DNAH9: variants seen among roughly 807,000 people sequenced by gnomAD.
DNAH9 encodes dynein axonemal heavy chain 9, also known as DNAH9 variant protein.
In DNAH9, 345 loss-of-function variants were observed where a neutral mutation model predicts 471.6. That is an observed-to-expected ratio of 0.73 (90% CI 0.67 to 0.80). DNAH9 has a LOEUF of 0.80. DNAH9 is among the 30% of genes least tolerant of loss of function. The probability of loss-of-function intolerance (pLI) is 0.00; values close to 1 mark genes in which losing one functional copy is unlikely to be tolerated. For missense variants in DNAH9, 5,407 were observed against 5,609.2 expected (o/e 0.96, Z 1.15); for synonymous variants, 2,093 against 2,123.6 (o/e 0.99, Z 0.40).
intron 29 of DNAH9, among the ~76,000 whole-genome samples, chr17:11,741,519 C>T (rs2075433070): frequency 6.7e-6 from 1 of 149,494 alleles, no homozygotes; most frequent in Non-Finnish European, 1.5e-5. Flanking sequence ...GTACAGGATA[C>T]ACCCTAGGTG....
intron 61 of DNAH9, among the ~76,000 whole-genome samples, chr17:11,907,456 GT>G (rs1244098328): frequency 7.7e-6 from 1 of 129,554 alleles, no homozygotes; most frequent in African/African-American, 2.9e-5. Context: ...GGCAACAAGA[GT>G]GAAAAAAAAA....
At chr17:11,948,171 G>A (rs1198405595) in intron 67 of DNAH9, among the ~76,000 whole-genome samples, 3 of 150,768 alleles carry the variant, frequency 2.0e-5, no homozygotes, top group Admixed American at 6.6e-5. Flanking sequence ...CTAAAGATGT[G>A]AAGCTGTTCA....
chr17:11,660,400 G>A (rs2073738097), intron 14 of DNAH9, among the ~76,000 whole-genome samples: 1 of 136,950 alleles, frequency 7.3e-6, no homozygotes, highest in Non-Finnish European at 1.5e-5. Context: ...TCAACTTACT[G>A]CAACCTGCGC....
Position 11,883,674 on chromosome 17 carries a change from G to A in DNAH9, c.10895G>A (p.Gly3632Glu). The part of the protein sequence containing the change: ...SLLSRLSSAS[G>E]NFLGETVLVE... ...CTCTCTCGCCTCTCCTCCGCCTCTGGGAACTTCCTGGGAGAAACAGTGCTG... is the reference window on the plus strand; with the variant it reads ...CTCTCTCGCCTCTCCTCCGCCTCTGAGAACTTCCTGGGAGAAACAGTGCTG... The change falls in exon 56 of 69, where the codon GGG (glycine) becomes GAG (glutamate). Residue 3632 changes from glycine (G) to glutamate (E), a missense_variant. Physicochemically the swap from Gly to Glu is moderately conservative, Grantham distance 98. Around this residue, in one of 3 missense-constraint regions of DNAH9, gnomAD observed 4,636 missense variants for 4,900.3 expected, o/e 0.95. Coordinates refer to ENST00000262442, the MANE Select transcript of DNAH9 (RefSeq NM_001372.4). 1 of 1,614,092 alleles carries A rather than the reference G, an allele frequency of 6.2e-7. No individual in the cohort carries two copies. The highest frequency in any genetic ancestry group is 8.5e-7 in the Non-Finnish European group (1 of 1,180,010).
At chr17:11,719,665 G>A (rs1445853759) in intron 27 of DNAH9, among the ~76,000 whole-genome samples, 175 bp downstream of exon 27, 1 of 152,100 alleles carries the variant, frequency 6.6e-6, no homozygotes, top group Non-Finnish European at 1.5e-5. Flanking sequence ...GAACCCTGGA[G>A]TTTTTTGGCC....
chr17:11,798,067 A>T (rs1299723713), intron 43 of DNAH9, among the ~76,000 whole-genome samples: 1 of 152,088 alleles, frequency 6.6e-6, no homozygotes, highest in Non-Finnish European at 1.5e-5. Flanking sequence ...AACAGACTTG[A>T]GATCATAAAA....
intron 15 of DNAH9, 99 bp from the exon 16 acceptor site, chr17:11,668,965 C>G (rs2073929517): frequency 1.2e-6 from 1 of 839,608 alleles, no homozygotes; most frequent in African/African-American, 1.7e-5. Flanking sequence ...AGCAGCCTAT[C>G]TAAAGAAAAG....
Position 11,942,381 on chromosome 17 carries a change from G to A in DNAH9, c.12739G>A (p.Glu4247Lys), listed in dbSNP as rs376338728. The A allele has an allele frequency of 3.9e-5, 63 of 1,614,116 alleles. No homozygotes were observed. Among genetic ancestry groups the A allele is most frequent in the Middle Eastern group, 1.6e-4 (1 of 6,084 alleles). The change falls in exon 67 of 69, where the codon GAG becomes AAG. Residue 4247 changes from glutamate to lysine, a missense_variant. By Grantham distance (56) the Glu-to-Lys change is moderately conservative (BLOSUM62 1). This residue lies in a region of DNAH9 where 4,636 missense variants were observed against 4,900.3 expected (regional missense o/e 0.95). Coordinates refer to ENST00000262442, the MANE Select transcript of DNAH9 (RefSeq NM_001372.4). ...NIPELMAKVE[E>K]RTPYIVVAFQ... ...CCCAGAACTGATGGCCAAAGTGGAG[G>A]AGCGCACCCCTTACATTGTAGTTGC... is the stretch of plus-strand genomic sequence containing the variant.
chr17:11,810,786 G>A (rs34487424), intron 45 of DNAH9, among the ~76,000 whole-genome samples: 74,107 of 152,042 alleles, frequency 0.49, 18,411 homozygotes, highest in Non-Finnish European at 0.54. Context: ...GCATGCACGC[G>A]TAAAACTTAC....
At position 11,699,746 on chromosome 17, in the gene DNAH9, T is replaced by C. The variant is rs752104784; in HGVS notation, c.4888T>C (p.Ser1630Pro). 35 of 1,614,186 alleles carry C rather than the reference T, an allele frequency of 2.2e-5. No homozygotes were observed. The South Asian group carries it at 3.8e-4, about 18-fold the overall frequency. Residue 1630 changes from serine to proline, a missense_variant, in exon 23 of 69, where the codon TCC becomes CCC. Physicochemically the swap from Ser to Pro is moderately conservative, Grantham distance 74 (BLOSUM62 -1). Coordinates refer to ENST00000262442, the MANE Select transcript of DNAH9 (RefSeq NM_001372.4). ...TAPQQVQRHL[S>P]KLFDNMAKMR... ...CCCTTCATAGGTTCAACGTCACCTT[T>C]CCAAACTCTTTGACAACATGGCCAA...
intron 27 of DNAH9, among the ~76,000 whole-genome samples, chr17:11,727,073 A>AC (rs1174762852): frequency 2.7e-5 from 4 of 147,994 alleles, no homozygotes; most frequent in African/African-American, 7.4e-5. Context: ...AAAAAAAAAA[A>AC]AAAACCCGCT....
chr17:11,862,571 CT>C (rs1971898540), intron 50 of DNAH9, among the ~76,000 whole-genome samples: 1 of 150,950 alleles, frequency 6.6e-6, no homozygotes, highest in Non-Finnish European at 1.5e-5. Context: ...TCATTGGTAG[CT>C]TGATGGGGAT....
intron 5 of DNAH9, among the ~76,000 whole-genome samples, chr17:11,618,104 T>C (rs558485965): frequency 2.0e-5 from 3 of 152,196 alleles, no homozygotes; most frequent in Non-Finnish European, 4.4e-5. Context: ...AGAAGCCATA[T>C]CTCTTTTTGG....
chr17:11,876,488 A>AG (rs113916773), intron 53 of DNAH9, among the ~76,000 whole-genome samples: 7,091 of 152,274 alleles, frequency 0.047, 467 homozygotes, highest in African/African-American at 0.14. Context: ...AAGGGAAAAA[A>AG]TTCTGACACA....
chr17:11,618,907 C>G (rs1353208298), intron 5 of DNAH9, among the ~76,000 whole-genome samples: 1 of 152,186 alleles, frequency 6.6e-6, no homozygotes, highest in East Asian at 1.9e-4. Context: ...TTGACTCCTC[C>G]TAGGCTAGTG....
intron 41 of DNAH9, among the ~76,000 whole-genome samples, chr17:11,785,631 A>T (rs1210235789): frequency 6.6e-6 from 1 of 152,204 alleles, no homozygotes; most frequent in Admixed American, 6.5e-5. Flanking sequence ...TAAGTCTCTG[A>T]GAACACATCC....
intron 20 of DNAH9, among the ~76,000 whole-genome samples, chr17:11,693,286 C>G (rs2074367980): frequency 7.7e-6 from 1 of 129,560 alleles, no homozygotes; most frequent in South Asian, 2.5e-4. Flanking sequence ...CCTCTGTCGT[C>G]CAGGCTGGAG....
chr17:11,645,417 C>G (rs960734566), intron 11 of DNAH9, among the ~76,000 whole-genome samples: 1 of 152,184 alleles, frequency 6.6e-6, no homozygotes, highest in African/African-American at 2.4e-5. Context: ...ACTGGAACTT[C>G]TCCAGGCTGA....
chr17:11,728,327 A>G (rs190634869), intron 28 of DNAH9, among the ~76,000 whole-genome samples: 9 of 152,280 alleles, frequency 5.9e-5, no homozygotes, highest in African/African-American at 2.2e-4. Context: ...AAGTTATTCC[A>G]CCACGCTCAG....
Sources: gnomAD v4.1 joint callset for allele counts (sites outside exome capture counted in the v4.1 genomes callset) on GRCh38, gnomAD v4.1.1 for gene constraint, gnomAD v4.1.1 regional missense constraint, MANE v1.5 for transcripts, NCBI Gene and HGNC (gene_info 2026-07-23, HGNC 2026-07-21) for gene names.